BABAM2: variants seen among roughly 807,000 people sequenced by gnomAD.
BABAM2 encodes BRISC and BRCA1-A complex member 2.
BABAM2 carries 31 observed loss-of-function variants against 54.7 expected under a neutral mutation model. The observed-to-expected ratio is 0.57, with a 90% CI of 0.43 to 0.77. The LOEUF is 0.77. BABAM2 is among the 30% of genes least tolerant of loss of function. The probability of loss-of-function intolerance (pLI) is 0.00; values close to 1 mark genes in which losing one functional copy is unlikely to be tolerated. For synonymous variants in BABAM2, 167 were observed against 162.9 expected, an observed-to-expected ratio of 1.03 and a Z score of -0.19; for missense variants, 364 against 455.8, an observed-to-expected ratio of 0.80 and a Z score of 1.83.
upstream of BABAM2, chr2:27,890,325 G>A: frequency 6.2e-7 from 1 of 1,613,674 alleles, no homozygotes; most frequent in Non-Finnish European, 8.5e-7. The surrounding 1 kb of genome is among the most constrained non-coding windows in gnomAD (Gnocchi z 4.8). Context: ...ACTGCCTCTG[G>A]GGTTCCCCAG....
chr2:28,300,569 G>A (rs754253299), intron 11 of BABAM2, among the ~76,000 whole-genome samples: 5 of 152,184 alleles, frequency 3.3e-5, no homozygotes, highest in Non-Finnish European at 5.9e-5. Flanking sequence ...CTAAGAAGAT[G>A]GGCATTATTT....
At chr2:27,897,359 G>A (rs1307227540) in intron 2 of BABAM2, among the ~76,000 whole-genome samples, 1 of 152,096 alleles carries the variant, frequency 6.6e-6, no homozygotes, top group Non-Finnish European at 1.5e-5. Flanking sequence ...ACACTTCTTT[G>A]GAATAGTAGG....
intron 2 of BABAM2, among the ~76,000 whole-genome samples, chr2:27,901,858 T>C (rs1362615053): frequency 1.3e-5 from 2 of 152,244 alleles, no homozygotes; most frequent in African/African-American, 4.8e-5. Context: ...TATGTATTCA[T>C]TATACATAAA....
chr2:28,334,714 G>A (rs1691267725), intron 11 of BABAM2, among the ~76,000 whole-genome samples: 1 of 152,196 alleles, frequency 6.6e-6, no homozygotes, highest in Non-Finnish European at 1.5e-5. Flanking sequence ...CATATGGAAG[G>A]AATAAGTGGC....
intron 11 of BABAM2, among the ~76,000 whole-genome samples, 200 bp downstream of exon 11, chr2:28,298,691 G>T (rs1687887703): frequency 6.6e-6 from 1 of 152,200 alleles, no homozygotes. Context: ...GTGAGTAGTT[G>T]CAACAGAGAC....
intron 3 of BABAM2, among the ~76,000 whole-genome samples, chr2:27,984,553 A>G (rs1264175562): frequency 2.0e-5 from 3 of 152,096 alleles, no homozygotes; most frequent in African/African-American, 7.2e-5. Flanking sequence ...TGTCTTCTGA[A>G]GGATACATTT....
chr2:28,029,374 C>T (rs964823362), intron 5 of BABAM2, among the ~76,000 whole-genome samples: 26 of 152,272 alleles, frequency 1.7e-4, no homozygotes, highest in African/African-American at 4.6e-4. Context: ...CTCCCCCCAG[C>T]GCTTGGCAGT....
chr2:28,250,485 TATTA>T (rs1301032071), intron 10 of BABAM2, among the ~76,000 whole-genome samples: 1 of 151,568 alleles, frequency 6.6e-6, no homozygotes, highest in Non-Finnish European at 1.5e-5. Context: ...TTATTTGTTC[TATTA>T]ATTGTCATAT....
chr2:27,959,171 C>G (rs1160657274), intron 3 of BABAM2, among the ~76,000 whole-genome samples: 2 of 152,190 alleles, frequency 1.3e-5, no homozygotes, highest in African/African-American at 4.8e-5. Flanking sequence ...TAGCATCCAG[C>G]AATCTGGTCA....
chr2:28,123,247 A>G (rs747338323), intron 6 of BABAM2, among the ~76,000 whole-genome samples: 9 of 152,288 alleles, frequency 5.9e-5, no homozygotes, highest in African/African-American at 1.2e-4. Flanking sequence ...ATTATACACT[A>G]TAGGAACTCC....
At chr2:27,931,935 G>T (rs540897662) in intron 3 of BABAM2, among the ~76,000 whole-genome samples, 3 of 151,878 alleles carry the variant, frequency 2.0e-5, no homozygotes, top group African/African-American at 7.3e-5. Flanking sequence ...CTTACTGTCC[G>T]TTCTAAATCT....
chr2:28,147,557 T>A (rs1273143833), intron 7 of BABAM2, among the ~76,000 whole-genome samples: 5 of 151,762 alleles, frequency 3.3e-5, no homozygotes, highest in African/African-American at 1.2e-4. Context: ...CACTGCAAGC[T>A]CTGCCTCCCA....
In BABAM2 at chr2:28,241,404, C is replaced by T. The variant is rs375906817; in HGVS notation, c.851+11C>T. ...CAGTCACTTTGGCACGTAAGTTCTGCCCTGTTTGAACGATATACCGGTGAT... is the reference window on the plus strand; with the variant it reads ...CAGTCACTTTGGCACGTAAGTTCTGTCCTGTTTGAACGATATACCGGTGAT... On this transcript the variant is annotated intron_variant, in intron 9 of 11. Coordinates refer to ENST00000379624, the MANE Select transcript of BABAM2 (RefSeq NM_199191.3). 46 of 1,612,438 alleles carry T rather than the reference C, an allele frequency of 2.9e-5. No individual in the cohort carries two copies. The highest frequency in any genetic ancestry group is 3.7e-5 in the Non-Finnish European group (44 of 1,178,648).
intron 6 of BABAM2, among the ~76,000 whole-genome samples, chr2:28,057,227 T>C (rs918182184): frequency 5.3e-5 from 8 of 152,204 alleles, no homozygotes; most frequent in Non-Finnish European, 1.2e-4. Flanking sequence ...TTATTAAGAC[T>C]CTAAGCATCA....
At chr2:28,074,646 T>C (rs1343270784) in intron 6 of BABAM2, among the ~76,000 whole-genome samples, 1 of 152,164 alleles carries the variant, frequency 6.6e-6, no homozygotes, top group Non-Finnish European at 1.5e-5. Flanking sequence ...GTGGACTGAT[T>C]TCCCTTTCTG....
At chr2:27,933,401 A>G (rs903892788) in intron 3 of BABAM2, among the ~76,000 whole-genome samples, 1 of 152,076 alleles carries the variant, frequency 6.6e-6, no homozygotes, top group Non-Finnish European at 1.5e-5. Context: ...GGAAAAGGTA[A>G]TTGATCATGG....
intron 1 of BABAM2, among the ~76,000 whole-genome samples, chr2:27,893,711 G>A (rs1325258659): frequency 6.6e-6 from 1 of 152,126 alleles, no homozygotes; most frequent in African/African-American, 2.4e-5. Context: ...TGTATCAGCA[G>A]TAGGCCGGGT....
At chr2:28,268,943 T>C (rs1685204868) in intron 10 of BABAM2, among the ~76,000 whole-genome samples, 1 of 152,208 alleles carries the variant, frequency 6.6e-6, no homozygotes, top group Non-Finnish European at 1.5e-5. Context: ...GAAAGGCAAG[T>C]TTTACATATC....
rs140780759 is a variant in BABAM2, at chr2:28,139,881, C to G, written c.680+10501C>G. 2.0e-5 allele frequency among the ~76,000 whole-genome samples: 3 copies of G among 152,352 alleles called. No homozygotes were observed. The East Asian group carries it at 5.8e-4, about 29-fold the overall frequency. On this transcript the variant is annotated intron_variant, in intron 7 of 11. Transcript: ENST00000379624. ...TAGCATCTCTAAACAGGACTGGTAA[C>G]TGGTCTCCCTGCATCTCCTTTTTCC...
Sources: gnomAD v4.1 joint callset for allele counts (sites outside exome capture counted in the v4.1 genomes callset) on GRCh38, gnomAD v4.1.1 for gene constraint, Gnocchi (gnomAD v3.1) non-coding constraint, MANE v1.5 for transcripts, NCBI Gene and HGNC (gene_info 2026-07-23, HGNC 2026-07-21) for gene names.